The following PRKN variants were observed in gnomAD, a reference collection of about 807,000 sequenced individuals.
PRKN encodes the protein parkin RBR E3 ubiquitin protein ligase.
A neutral mutation model predicts 59.5 loss-of-function variants in PRKN; 56 were observed. The observed-to-expected ratio is 0.94, with a 90% CI of 0.76 to 1.18. The LOEUF (loss-of-function observed/expected upper bound fraction) is 1.18, where lower values mean the gene tolerates loss of function less well. Ranked by LOEUF, PRKN falls within the 50% of genes most tolerant of loss-of-function variation. The pLI is 0.00. For missense variants in PRKN, 657 were observed against 596.4 expected, an observed-to-expected ratio of 1.10 and a Z score of -1.06; for synonymous variants, 250 against 222.1, an observed-to-expected ratio of 1.13 and a Z score of -1.12.
In PRKN at chr6:161,579,586, T is replaced by C. The variant is rs1781261821; in HGVS notation, c.872-10170A>G. Among the ~76,000 whole-genome samples the C allele has an allele frequency of 6.6e-6, 1 of 152,170 alleles. No homozygotes were observed. The highest frequency in any genetic ancestry group is 6.5e-5 in the Admixed American group (1 of 15,284). ...CTGAATAGGGCATATTCAGGCACTA[T>C]TAAGTTTGGGAAAATAAATCATATC... is the stretch of plus-strand genomic sequence containing the variant. On this transcript the variant is annotated intron_variant, in intron 7 of 11. Transcript: ENST00000366898. The surrounding 1 kb of genome is among the most constrained non-coding windows in gnomAD (Gnocchi z 4.2).
intron 9 of PRKN, among the ~76,000 whole-genome samples, chr6:161,425,479 T>C (rs1354712104): frequency 6.6e-6 from 1 of 152,136 alleles, no homozygotes; most frequent in East Asian, 1.9e-4. Context: ...CAAAATGAGC[T>C]TCAGGGAGAG....
intron 1 of PRKN, among the ~76,000 whole-genome samples, chr6:162,602,111 G>A (rs77899660): frequency 0.02 from 3,078 of 152,210 alleles, 80 homozygotes; most frequent in Admixed American, 0.042. Context: ...GGGTATCCCC[G>A]CATGGTGCCC....
In PRKN at chr6:161,943,520, TATGCTTTAAA is replaced by T. The variant is rs1260531719; in HGVS notation, c.734+29772_734+29781del. On this transcript the variant is annotated intron_variant, in intron 6 of 11. Coordinates refer to ENST00000366898, the MANE Select transcript of PRKN (RefSeq NM_004562.3). The stretch of plus-strand genomic sequence containing the variant: ...ATGCTATTTTCACAAATGATTATTT[TATGCTTTAAA>T]GAAGTTTTTGGTAAGTGAATGTGGA... Among the ~76,000 whole-genome samples the T allele has an allele frequency of 2.6e-5, 4 of 152,380 alleles. No homozygotes were observed. The South Asian group carries it at 8.3e-4, about 32-fold the overall frequency.
intron 6 of PRKN, among the ~76,000 whole-genome samples, chr6:161,834,501 A>G (rs1434650738): frequency 1.3e-5 from 2 of 152,220 alleles, no homozygotes; most frequent in Non-Finnish European, 2.9e-5. Flanking sequence ...TGTTTGGGAA[A>G]TGGTAATAAA....
intron 1 of PRKN, among the ~76,000 whole-genome samples, chr6:162,673,155 C>T (rs1779399693): frequency 6.6e-6 from 1 of 152,114 alleles, no homozygotes; most frequent in African/African-American, 2.4e-5. Flanking sequence ...AAAAAGAGTT[C>T]CCAGAATATT....
At chr6:162,546,609 A>G (rs993804564) in intron 1 of PRKN, among the ~76,000 whole-genome samples, 22 of 149,714 alleles carry the variant, frequency 1.5e-4, no homozygotes, top group African/African-American at 5.2e-4. Flanking sequence ...ACGCCCGGCT[A>G]ATTTTTGTAT....
At chr6:161,443,715 C>T (rs949120685) in intron 9 of PRKN, among the ~76,000 whole-genome samples, 26 of 152,144 alleles carry the variant, frequency 1.7e-4, no homozygotes, top group Non-Finnish European at 3.8e-4. Flanking sequence ...AAATCCTCCG[C>T]AGTCATTAGT....
chr6:161,732,027 T>C (rs1167929946), intron 7 of PRKN, among the ~76,000 whole-genome samples: 1 of 152,138 alleles, frequency 6.6e-6, no homozygotes, highest in Non-Finnish European at 1.5e-5. Flanking sequence ...GGGGGTTTGG[T>C]GTACAGATAA....
intron 9 of PRKN, among the ~76,000 whole-genome samples, chr6:161,507,636 T>C (rs7769352): frequency 0.081 from 12,267 of 152,004 alleles, 719 homozygotes; most frequent in African/African-American, 0.16. Context: ...TTTGAGCCCT[T>C]CCCCCTACCC....
At position 161,619,240 on chromosome 6, in the gene PRKN, T is replaced by TAA. The variant is rs67512352; in HGVS notation, c.872-49826_872-49825dup. On this transcript the variant is annotated intron_variant, in intron 7 of 11. Transcript: ENST00000366898. ...AAGCCTTTACAAAAACTGTCTTCAT[T>TAA]AAAAAAAAAAAAAAAAAAAGAGTGA... Among the ~76,000 whole-genome samples the TAA allele has an allele frequency of 2.3e-3, 226 of 99,524 alleles. 1 individual carries two copies. The highest frequency in any genetic ancestry group is 0.02 in the Middle Eastern group (3 of 152). The allele number at this position is 99,524 out of a possible 152,430, so 65.3% of individuals were successfully genotyped here.
intron 2 of PRKN, chr6:162,263,214 G>A: frequency 9.1e-6 from 2 of 220,902 alleles, no homozygotes; most frequent in Admixed American, 5.3e-5. Flanking sequence ...CGAGTAGCTG[G>A]GATTATAGGC....
At chr6:162,485,586 C>G (rs1792500145) in intron 1 of PRKN, among the ~76,000 whole-genome samples, 1 of 152,184 alleles carries the variant, frequency 6.6e-6, no homozygotes. Flanking sequence ...TTCCTCTCCA[C>G]AACTAGTAAC....
intron 6 of PRKN, among the ~76,000 whole-genome samples, chr6:161,897,456 G>A (rs1777671388): frequency 6.6e-6 from 1 of 152,030 alleles, no homozygotes; most frequent in African/African-American, 2.4e-5. Context: ...CTCTTTTTTA[G>A]GCCCATTTTC....
At chr6:161,828,967 C>T (rs1318869416) in intron 6 of PRKN, among the ~76,000 whole-genome samples, 2 of 151,744 alleles carry the variant, frequency 1.3e-5, no homozygotes, top group Non-Finnish European at 2.9e-5. Flanking sequence ...CGGCTCACAC[C>T]TGTAATCCCA....
intron 1 of PRKN, among the ~76,000 whole-genome samples, chr6:162,726,874 A>G (rs1028900232): frequency 1.3e-5 from 2 of 152,174 alleles, no homozygotes; most frequent in East Asian, 3.9e-4. Context: ...GATAGCCCCT[A>G]AAGTAACTTT....
At position 161,545,187 on chromosome 6, in the gene PRKN, T is replaced by C. The variant is rs572081055; in HGVS notation, c.1083+3667A>G. On this transcript the variant is annotated intron_variant, in intron 9 of 11. Coordinates refer to ENST00000366898, the MANE Select transcript of PRKN (RefSeq NM_004562.3). The surrounding 1 kb of genome is among the most constrained non-coding windows in gnomAD (Gnocchi z 4.1). Reference sequence around the variant, plus strand: ...TTCTTGCATACCCACATGGTAAGAGTTGTACTTTTTCTATCTTGATAATTG... The same window carrying C: ...TTCTTGCATACCCACATGGTAAGAGCTGTACTTTTTCTATCTTGATAATTG... The C allele has an allele frequency of 6.6e-6, 9 of 1,368,900 alleles. No individual in the cohort carries two copies. In the Admixed American group the frequency reaches 2.3e-4, roughly 35 times the overall value. The allele number at this position is 1,368,900 out of a possible 1,614,324, so 84.8% of individuals were successfully genotyped here. A position where few individuals can be genotyped will look rare whatever the true frequency, so the allele number is the denominator to read the frequency against.
Position 161,360,082 on chromosome 6 carries a change from A to T in PRKN, c.1285+6T>A. 1.3e-6 allele frequency: 2 copies of T among 1,588,510 alleles called. No homozygotes were observed. Among genetic ancestry groups the T allele is most frequent in the Non-Finnish European group, 1.7e-6 (2 of 1,156,784 alleles). ...CATCCTCATTCTCTGCTCAGCACAG[A>T]CTCACCATTTTTTTCCACTGGTACA... On this transcript the variant is annotated splice_donor_region_variant and intron_variant, in intron 11 of 11. Transcript: ENST00000366898. This position sits in a 1 kb window ranked among gnomAD's most constrained non-coding sequence, Gnocchi z 5.1.
intron 1 of PRKN, among the ~76,000 whole-genome samples, chr6:162,563,518 T>C (rs1460852423): frequency 2.6e-5 from 4 of 152,138 alleles, no homozygotes; most frequent in African/African-American, 9.7e-5. Context: ...TCCTGTTAAA[T>C]ATCTAGAAAG....
chr6:161,552,784 G>GTTT lies in PRKN; in HGVS notation c.934-3782_934-3781insAAA, dbSNP rs1411278857. Among the ~76,000 whole-genome samples, 1 of 115,228 alleles carries GTTT rather than the reference G, an allele frequency of 8.7e-6. No individual in the cohort carries two copies. The highest frequency in any genetic ancestry group is 2.9e-5 in the African/African-American group (1 of 34,362). The allele number at this position is 115,228 out of a possible 152,430, so 75.6% of individuals were successfully genotyped here. A position where few individuals can be genotyped will look rare whatever the true frequency, so the allele number is the denominator to read the frequency against. ...TCCTAAAAGACACCATGGTTTTGTT[G>GTTT]TTGTTTTTGTTTTTTGTTTTTTTTT... On this transcript the variant is annotated intron_variant, in intron 8 of 11. Transcript: ENST00000366898. The surrounding 1 kb of genome is among the most constrained non-coding windows in gnomAD (Gnocchi z 4.9).
Sources: gnomAD v4.1 joint callset for allele counts (sites outside exome capture counted in the v4.1 genomes callset) on GRCh38, gnomAD v4.1.1 for gene constraint, Gnocchi (gnomAD v3.1) non-coding constraint, MANE v1.5 for transcripts, NCBI Gene and HGNC (gene_info 2026-07-23, HGNC 2026-07-21) for gene names.